The following ADPGK variants were observed in gnomAD, a reference collection of about 807,000 sequenced individuals.
The protein encoded by ADPGK is ADP dependent glucokinase.
Under a neutral mutation model 42.4 loss-of-function variants are expected in ADPGK, and 26 were observed. The ratio of observed to expected loss-of-function variants is 0.61; its 90% CI spans 0.45 to 0.85. The LOEUF (loss-of-function observed/expected upper bound fraction) is 0.85, where lower values mean the gene tolerates loss of function less well. Ranked by LOEUF, ADPGK falls within the 40% of genes least tolerant of loss-of-function variation. The probability of loss-of-function intolerance (pLI) is 0.00; values close to 1 mark genes in which losing one functional copy is unlikely to be tolerated. For synonymous variants in ADPGK, 267 were observed against 252.6 expected, an observed-to-expected ratio of 1.06 and a Z score of -0.54; for missense variants, 571 against 627.0, an observed-to-expected ratio of 0.91 and a Z score of 0.95.
At chr15:72,766,947 A>C (rs2066268218) in intron 3 of ADPGK, among the ~76,000 whole-genome samples, 1 of 152,246 alleles carries the variant, frequency 6.6e-6, no homozygotes, top group Non-Finnish European at 1.5e-5. Flanking sequence ...TATATCAATA[A>C]TCACATTAGA....
chr15:72,772,028 A>G (rs1239642993), intron 2 of ADPGK, among the ~76,000 whole-genome samples, 183 bp from the exon 3 acceptor site: 4 of 152,244 alleles, frequency 2.6e-5, no homozygotes, highest in African/African-American at 7.2e-5. Context: ...GAGTAATAAG[A>G]TGAAGAAAAT....
At chr15:72,761,281 CA>C (rs1372428907) in intron 3 of ADPGK, among the ~76,000 whole-genome samples, 1 of 152,170 alleles carries the variant, frequency 6.6e-6, no homozygotes, top group African/African-American at 2.4e-5. Context: ...TTGTCTGCAA[CA>C]AAGCTGCCAG....
chr15:72,754,103 A>C (rs2151068269), intron 6 of ADPGK, among the ~76,000 whole-genome samples: 1 of 152,124 alleles, frequency 6.6e-6, no homozygotes, highest in East Asian at 1.9e-4. Context: ...ATCAAAAAAA[A>C]AAAAAACAAA....
At chr15:72,771,713 T>C (rs1258842607) in intron 3 of ADPGK, 70 bp downstream of exon 3, 5 of 1,399,146 alleles carry the variant, frequency 3.6e-6, no homozygotes, top group Non-Finnish European at 5.0e-6. Flanking sequence ...GAATAGATAC[T>C]CATTCTTGCT....
chr15:72,755,160 G>A (rs751959684), intron 6 of ADPGK, among the ~76,000 whole-genome samples: 9 of 152,218 alleles, frequency 5.9e-5, no homozygotes, highest in Non-Finnish European at 1.5e-5. Context: ...AGTCAATGCT[G>A]CTGCCCAGAG....
chr15:72,775,226 A>G (rs2066377503), intron 1 of ADPGK, 129 bp from the exon 2 acceptor site: 5 of 740,384 alleles, frequency 6.8e-6, no homozygotes, highest in Non-Finnish European at 1.1e-5. Context: ...TGAAACCTGA[A>G]TTGGGAAGTA....
In ADPGK at chr15:72,752,131, C is replaced by T. The variant is rs1200656437; in HGVS notation, c.*210G>A. The T allele has an allele frequency of 3.5e-6, 2 of 573,572 alleles. No individual in the cohort carries two copies. Among genetic ancestry groups the T allele is most frequent in the Non-Finnish European group, 3.0e-6 (1 of 331,048 alleles). 35.5% of individuals were successfully genotyped at this position (573,572 alleles called of 1,614,324 possible). A position where few individuals can be genotyped will look rare whatever the true frequency, so the allele number is the denominator to read the frequency against. On this transcript the variant is annotated 3_prime_UTR_variant, in exon 7 of 7. Coordinates refer to ENST00000456471, the MANE Select transcript of ADPGK (RefSeq NM_001365225.1). ...GGGAACTGAGTTTTTAGCTCTGTGA[C>T]ACACAACATAAAAAACAAAAATCCA...
chr15:72,766,503 G>A (rs2066261833), intron 3 of ADPGK, among the ~76,000 whole-genome samples: 1 of 152,190 alleles, frequency 6.6e-6, no homozygotes, highest in Admixed American at 6.5e-5. Context: ...CCGTCTGAAA[G>A]CTCAGATGAT....
chr15:72,777,242 T>C (rs1158675422), intron 1 of ADPGK, among the ~76,000 whole-genome samples: 1 of 152,212 alleles, frequency 6.6e-6, no homozygotes, highest in Non-Finnish European at 1.5e-5. Context: ...AGTAGGTTCC[T>C]AAGTTTCAGA....
rs540404632 is a variant in ADPGK, at chr15:72,751,449, A to G, written c.*892T>C. 1 of 152,810 alleles carries G rather than the reference A, an allele frequency of 6.5e-6. No homozygotes were observed. Among genetic ancestry groups the G allele is most frequent in the East Asian group, 1.9e-4 (1 of 5,192 alleles). 9.5% of individuals were successfully genotyped at this position (152,810 alleles called of 1,614,324 possible). On this transcript the variant is annotated 3_prime_UTR_variant, in exon 7 of 7. Transcript: ENST00000456471. ...TAAAAAAATAAATATATAACATGAC[A>G]AATTTACTGATGATCCTGGAGCTCT...
chr15:72,783,600 G>A lies in ADPGK; in HGVS notation c.92C>T (p.Ala31Val). The A allele has an allele frequency of 6.6e-7, 1 of 1,516,236 alleles. No homozygotes were observed. The highest frequency in any genetic ancestry group is 8.8e-7 in the Non-Finnish European group (1 of 1,140,180). The allele number at this position is 1,516,236 out of a possible 1,614,324, so 93.9% of individuals were successfully genotyped here. ...CAGCGAGCTCCAGAGAGAGCGCAGC[G>A]CCGAGCCTGGCAGCTCTGGCTCCAG... ...FLLEPELPGS[A>V]LRSLWSSLCL... Residue 31 changes from alanine to valine, a missense_variant, in exon 1 of 7, where the codon GCG becomes GTG. Around this residue, in one of 2 missense-constraint regions of ADPGK, gnomAD observed 137 missense variants for 104.2 expected, o/e 1.31. Coordinates refer to ENST00000456471, the MANE Select transcript of ADPGK (RefSeq NM_001365225.1).
At position 72,752,548 on chromosome 15, in the gene ADPGK, T is replaced by G. The variant is rs767918277; in HGVS notation, c.1287A>C (p.Ala429=). ...TIDTSRVSLR[A]PQEFMTSHSE... ...AATGGGAAGTCATGAACTCTTGGGG[T>G]GCCCTCAGAGACACTCGGCTGGTGT... Residue 429 remains alanine (A), a synonymous_variant, in exon 7 of 7, where the codon GCA becomes GCC. Transcript: ENST00000456471. 6.2e-7 allele frequency: 1 copy of G among 1,614,128 alleles called. No individual in the cohort carries two copies. The highest frequency in any genetic ancestry group is 1.1e-5 in the South Asian group (1 of 91,070).
intron 4 of ADPGK, among the ~76,000 whole-genome samples, chr15:72,759,631 G>A (rs981015725): frequency 6.6e-6 from 1 of 152,184 alleles, no homozygotes; most frequent in Non-Finnish European, 1.5e-5. Flanking sequence ...AGTATTAAGT[G>A]CTGCTTTAAG....
chr15:72,772,185 G>C (rs2066336905), intron 2 of ADPGK, among the ~76,000 whole-genome samples: 1 of 152,180 alleles, frequency 6.6e-6, no homozygotes, highest in African/African-American at 2.4e-5. Flanking sequence ...CTAAAATGAA[G>C]AAAAATTTCA....
chr15:72,777,495 T>C (rs577817933), intron 1 of ADPGK, among the ~76,000 whole-genome samples: 8 of 152,222 alleles, frequency 5.3e-5, no homozygotes, highest in African/African-American at 1.9e-4. Flanking sequence ...CTGGCCAAGA[T>C]GGTGAAACTC....
intron 3 of ADPGK, among the ~76,000 whole-genome samples, chr15:72,765,669 G>T (rs764670973): frequency 4.6e-5 from 7 of 152,174 alleles, no homozygotes; most frequent in Non-Finnish European, 1.0e-4. Context: ...CCTCTTGGAC[G>T]CCTTTTGAGA....
intron 3 of ADPGK, among the ~76,000 whole-genome samples, chr15:72,764,191 G>A (rs1330763812): frequency 6.6e-6 from 1 of 152,228 alleles, no homozygotes; most frequent in African/African-American, 2.4e-5. Flanking sequence ...GTAGAAAGCT[G>A]AGTAAAGCCT....
chr15:72,756,212 C>T, intron 5 of ADPGK, 39 bp downstream of exon 5: 1 of 1,610,416 alleles, frequency 6.2e-7, no homozygotes, highest in South Asian at 1.1e-5. Context: ...AAGAAAACCA[C>T]CAGCTGAGAT....
intron 3 of ADPGK, among the ~76,000 whole-genome samples, chr15:72,762,800 G>A (rs2066210913): frequency 6.6e-6 from 1 of 152,088 alleles, no homozygotes; most frequent in Non-Finnish European, 1.5e-5. Flanking sequence ...TGGCCAACAT[G>A]GTGAAACCCT....
Sources: allele counts gnomAD v4.1 joint callset (sites outside exome capture counted in the v4.1 genomes callset), GRCh38; gene constraint gnomAD v4.1.1; regional missense constraint gnomAD v4.1.1; transcripts MANE v1.5; gene names NCBI Gene and HGNC (gene_info 2026-07-23, HGNC 2026-07-21).